Variants in MAS1 observed in about 807,000 individuals in gnomAD.
MAS1 encodes the protein proto-oncogene Mas.
For synonymous variants in MAS1, 163 were observed against 164.2 expected, an observed-to-expected ratio of 0.99 and a Z score of 0.05; for missense variants, 387 against 409.7, an observed-to-expected ratio of 0.94 and a Z score of 0.48.
At chr6:159,889,273 G>A (rs1782671560), upstream of MAS1, among the ~76,000 whole-genome samples, 1 of 152,074 alleles carries the variant, frequency 6.6e-6, no homozygotes. Context: ...GCAAATTGGT[G>A]AGGACCTCTG....
At chr6:159,895,768 A>G (rs1782748378) in intron 1 of MAS1, among the ~76,000 whole-genome samples, 1 of 152,264 alleles carries the variant, frequency 6.6e-6, no homozygotes, top group South Asian at 2.1e-4. Flanking sequence ...TATACTGTTG[A>G]TGTTGGTATT....
At position 159,908,234 on chromosome 6, in the gene MAS1, CTATT is replaced by C. The variant is rs771844562; in HGVS notation, c.*303_*306del. The C allele has an allele frequency of 2.8e-5, 6 of 214,104 alleles. No homozygotes were observed. The highest frequency in any genetic ancestry group is 4.6e-5 in the Non-Finnish European group (5 of 108,418). 13.3% of individuals were successfully genotyped at this position (214,104 alleles called of 1,614,324 possible). On this transcript the variant is annotated 3_prime_UTR_variant, in exon 3 of 3. Transcript: ENST00000674077. The stretch of plus-strand genomic sequence containing the variant: ...ATGTGTACGGGACAAGGTAACAAAA[CTATT>C]TGTTGGAACTTGAGGAGGCAGCTTG...
chr6:159,914,309 C>T lies in MAS1; in HGVS notation c.*6376C>T, dbSNP rs536899144. The T allele has an allele frequency of 6.6e-6, 1 of 151,950 alleles. No homozygotes were observed. Among genetic ancestry groups the T allele is most frequent in the South Asian group, 2.1e-4 (1 of 4,788 alleles). The allele number at this position is 151,950 out of a possible 1,614,324, so 9.4% of individuals were successfully genotyped here. A position where few individuals can be genotyped will look rare whatever the true frequency, so the allele number is the denominator to read the frequency against. On this transcript the variant is annotated 3_prime_UTR_variant, in exon 3 of 3. Transcript: ENST00000674077. ...TTTTCACAGTCCTTGCACTTCACGT[C>T]GATCCCCGTGCAATTGAGAAGATAG...
rs143454889 is a variant in MAS1 at position 159,898,084 on chromosome 6, G to A, written c.-243-1102G>A. Among the ~76,000 whole-genome samples the A allele has an allele frequency of 3.7e-3, 566 of 151,906 alleles. 5 individuals carry two copies. Among genetic ancestry groups the A allele is most frequent in the African/African-American group, 0.013 (538 of 41,416 alleles). On this transcript the variant is annotated intron_variant, in intron 1 of 2. Transcript: ENST00000674077. The stretch of plus-strand genomic sequence containing the variant: ...TTTTTGTATTTTTAGTAGAGACAGC[G>A]TTTTACCATGTTGGCCAGGCTGGTC...
rs541674944 is a variant in MAS1 at position 159,912,382 on chromosome 6, G to A, written c.*4449G>A. 2.6e-5 allele frequency: 4 copies of A among 152,296 alleles called. No individual in the cohort carries two copies. In the East Asian group the frequency reaches 7.7e-4, roughly 29 times the overall value. The allele number at this position is 152,296 out of a possible 1,614,324, so 9.4% of individuals were successfully genotyped here. A position where few individuals can be genotyped will look rare whatever the true frequency, so the allele number is the denominator to read the frequency against. On this transcript the variant is annotated 3_prime_UTR_variant, in exon 3 of 3. Transcript: ENST00000674077. ...ACTTCTGGAAAGGAAAACACATCAA[G>A]CCATACATACTTTTTCCTGTGCTTT...
intron 1 of MAS1, among the ~76,000 whole-genome samples, chr6:159,891,999 C>A (rs553348181): frequency 6.6e-6 from 1 of 152,282 alleles, no homozygotes; most frequent in East Asian, 1.9e-4. Context: ...GCACACTCCT[C>A]TCCATTGTGA....
In MAS1 at chr6:159,912,680, C is replaced by G. The variant is rs930282227; in HGVS notation, c.*4747C>G. On this transcript the variant is annotated 3_prime_UTR_variant, in exon 3 of 3. Coordinates refer to ENST00000674077, the MANE Select transcript of MAS1 (RefSeq NM_002377.4). ...ATGGGTACCATCAGGCCTCCCCCTG[C>G]TTAGCACCAGAGTCTCTCTCACTGC... is the stretch of plus-strand genomic sequence containing the variant. The G allele has an allele frequency of 6.6e-6, 1 of 152,220 alleles. No homozygotes were observed. Among genetic ancestry groups the G allele is most frequent in the African/African-American group, 2.4e-5 (1 of 41,450 alleles). 9.4% of individuals were successfully genotyped at this position (152,220 alleles called of 1,614,324 possible).
At position 159,896,697 on chromosome 6, in the gene MAS1, T is replaced by G. The variant is rs530746380; in HGVS notation, c.-243-2489T>G. Among the ~76,000 whole-genome samples the G allele has an allele frequency of 7.9e-5, 12 of 152,284 alleles. No individual in the cohort carries two copies. The East Asian group carries it at 2.3e-3, about 29-fold the overall frequency. On this transcript the variant is annotated intron_variant, in intron 1 of 2. Transcript: ENST00000674077. ...AAATGAGCCCTGCTGGGACTGTAACTGCCTAAAGGGTTCTCTTTGCCTGCT... is the reference window on the plus strand; with the variant it reads ...AAATGAGCCCTGCTGGGACTGTAACGGCCTAAAGGGTTCTCTTTGCCTGCT...
At chr6:159,893,756 C>T (rs1782726136) in intron 1 of MAS1, among the ~76,000 whole-genome samples, 2 of 152,102 alleles carry the variant, frequency 1.3e-5, no homozygotes, top group Non-Finnish European at 2.9e-5. Context: ...TTCCTTAGCC[C>T]TGCCACTGAG....
In MAS1 at chr6:159,913,407, T is replaced by G. The variant is rs1424823535; in HGVS notation, c.*5474T>G. On this transcript the variant is annotated 3_prime_UTR_variant, in exon 3 of 3. Transcript: ENST00000674077. ...CCAAAAAATTAAGTACTTTTGTGGC[T>G]TAAAAGAACAATGTATTGTCATTTC... 2.0e-5 allele frequency: 3 copies of G among 152,096 alleles called. No individual in the cohort carries two copies. Among genetic ancestry groups the G allele is most frequent in the African/African-American group, 4.8e-5 (2 of 41,406 alleles). 9.4% of individuals were successfully genotyped at this position (152,096 alleles called of 1,614,324 possible). A position where few individuals can be genotyped will look rare whatever the true frequency, so the allele number is the denominator to read the frequency against.
In MAS1 at chr6:159,899,551, C is replaced by T. The variant is rs1347039018; in HGVS notation, c.-37+159C>T. On this transcript the variant is annotated intron_variant, in intron 2 of 2. Coordinates refer to ENST00000674077, the MANE Select transcript of MAS1 (RefSeq NM_002377.4). ...GACCAGCCTAGGCAACATGGTGAGA[C>T]CCCATCTCTGTAAGAAATAAACAAC... Among the ~76,000 whole-genome samples the T allele has an allele frequency of 1.3e-5, 2 of 151,612 alleles. 1 individual carries two copies. The highest frequency in any genetic ancestry group is 4.2e-4 in the South Asian group (2 of 4,808).
In MAS1 at chr6:159,907,000, G is replaced by T. The variant is rs111927070; in HGVS notation, c.45G>T (p.Thr15=). The T allele has an allele frequency of 6.2e-7, 1 of 1,612,068 alleles. No individual in the cohort carries two copies. The highest frequency in any genetic ancestry group is 8.5e-7 in the Non-Finnish European group (1 of 1,178,280). The change falls in exon 3 of 3, where the codon ACG becomes ACT. Residue 15 remains threonine (T), a synonymous_variant. Coordinates refer to ENST00000674077, the MANE Select transcript of MAS1 (RefSeq NM_002377.4). ...NVTSFVVEEP[T]NISTGRNASV... is the part of the protein sequence containing the mutation. ...CATCATTTGTTGTTGAGGAACCCAC[G>T]AACATCTCAACTGGCAGGAACGCCT...
Position 159,907,334 on chromosome 6 carries a change from A to G in MAS1, c.379A>G (p.Ser127Gly). Residue 127 changes from serine to glycine, a missense_variant, in exon 3 of 3, where the codon AGT (serine) becomes GGT (glycine). Coordinates refer to ENST00000674077, the MANE Select transcript of MAS1 (RefSeq NM_002377.4). ...GGGCCTCTATCTGCTGACGGCCATT[A>G]GTGTGGAGAGGTGCCTGTCAGTCCT... ...NTGLYLLTAISVERCLSVLYP... is the reference protein window; with the variant it reads ...NTGLYLLTAIGVERCLSVLYP... The G allele has an allele frequency of 6.2e-7, 1 of 1,614,098 alleles. No homozygotes were observed.
intron 1 of MAS1, among the ~76,000 whole-genome samples, chr6:159,896,432 A>G (rs1003524106): frequency 6.6e-6 from 1 of 152,238 alleles, no homozygotes; most frequent in African/African-American, 2.4e-5. Context: ...AGGTAGAAAG[A>G]AAGGATACCA....
In MAS1 at chr6:159,894,337, T is replaced by C. The variant is rs534352608; in HGVS notation, c.-244+3204T>C. The stretch of plus-strand genomic sequence containing the variant: ...GGGAGGCTGAGGCAGGAGAATCACT[T>C]GAACCCGGGAGGCGGAGGCTGAATT... On this transcript the variant is annotated intron_variant, in intron 1 of 2. Transcript: ENST00000674077. Among the ~76,000 whole-genome samples, 6 of 150,130 alleles carry C rather than the reference T, an allele frequency of 4.0e-5. No homozygotes were observed. The South Asian group carries it at 1.3e-3, about 32-fold the overall frequency.
rs1426477316 is a variant in MAS1 at position 159,913,717 on chromosome 6, T to C, written c.*5784T>C. On this transcript the variant is annotated 3_prime_UTR_variant, in exon 3 of 3. Transcript: ENST00000674077. ...TTTCCTAAAGGCCAAAAATCAGCTA[T>C]TGGGGTCTCATTTGCTTAAAATTAT... The C allele has an allele frequency of 6.6e-6, 1 of 152,242 alleles. No individual in the cohort carries two copies. Among genetic ancestry groups the C allele is most frequent in the Non-Finnish European group, 1.5e-5 (1 of 68,042 alleles). The allele number at this position is 152,242 out of a possible 1,614,324, so 9.4% of individuals were successfully genotyped here. A position where few individuals can be genotyped will look rare whatever the true frequency, so the allele number is the denominator to read the frequency against.
upstream of MAS1, among the ~76,000 whole-genome samples, chr6:159,889,413 C>T (rs989784219): frequency 2.0e-5 from 3 of 152,146 alleles, no homozygotes; most frequent in Non-Finnish European, 4.4e-5. Context: ...TGAGAAGCAG[C>T]GAATGTGGAG....
At chr6:159,903,076 C>T (rs570754305) in intron 2 of MAS1, among the ~76,000 whole-genome samples, 3 of 152,128 alleles carry the variant, frequency 2.0e-5, no homozygotes, top group Admixed American at 1.3e-4. Context: ...TTAAGCGTCA[C>T]GTTCTCCAGC....
intron 2 of MAS1, among the ~76,000 whole-genome samples, chr6:159,905,707 G>A (rs1782877449): frequency 6.6e-6 from 1 of 152,114 alleles, no homozygotes; most frequent in African/African-American, 2.4e-5. Context: ...TCTGCTTCAG[G>A]TGAGCTCAGG....
Sources: allele counts gnomAD v4.1 joint callset (sites outside exome capture counted in the v4.1 genomes callset), GRCh38; gene constraint gnomAD v4.1.1; transcripts MANE v1.5; gene names NCBI Gene and HGNC (gene_info 2026-07-23, HGNC 2026-07-21).